Variants in PIK3CB observed in about 807,000 individuals in gnomAD.
PIK3CB encodes the protein phosphatidylinositol 4,5-bisphosphate 3-kinase catalytic subunit beta isoform.
PIK3CB carries 39 observed loss-of-function variants against 136.8 expected under a neutral mutation model. The observed-to-expected ratio is 0.29, with a 90% confidence interval of 0.22 to 0.37. The LOEUF (loss-of-function observed/expected upper bound fraction) is 0.37. Among genes scored for constraint, PIK3CB ranks in the 10% least tolerant of loss-of-function variants. The probability of loss-of-function intolerance (pLI) is 1.00; values close to 1 mark genes in which losing one functional copy is unlikely to be tolerated. For synonymous variants in PIK3CB, 428 were observed against 436.6 expected, an observed-to-expected ratio of 0.98 and a Z score of 0.25; for missense variants, 868 against 1,275.4, an observed-to-expected ratio of 0.68 and a Z score of 4.87.
intron 21 of PIK3CB, among the ~76,000 whole-genome samples, chr3:138,658,243 G>A (rs1326721029): frequency 1.3e-5 from 2 of 152,064 alleles, no homozygotes; most frequent in Non-Finnish European, 2.9e-5. Flanking sequence ...GAAACCAGGA[G>A]TTCAAGGCCA....
intron 2 of PIK3CB, among the ~76,000 whole-genome samples, chr3:138,772,833 T>C (rs1384588435): frequency 2.1e-5 from 3 of 145,698 alleles, no homozygotes; most frequent in African/African-American, 7.7e-5. Flanking sequence ...TTGCCCAGGC[T>C]AGAATGCGGT....
rs182848943 is a variant in PIK3CB, at chr3:138,745,409, G to T, written c.398-2628C>A. On this transcript the variant is annotated intron_variant, in intron 4 of 23. Transcript: ENST00000674063. ...GCACTTTGGGAGGCCAAGGTGGGGGGATCACTTGAGGTCAGGAGTTCAAGA... is the reference window on the plus strand; with the variant it reads ...GCACTTTGGGAGGCCAAGGTGGGGGTATCACTTGAGGTCAGGAGTTCAAGA... Among the ~76,000 whole-genome samples the T allele has an allele frequency of 3.2e-3, 487 of 152,264 alleles. 6 individuals are homozygous for T. The highest frequency in any genetic ancestry group is 9.9e-3 in the African/African-American group (413 of 41,548).
intron 1 of PIK3CB, among the ~76,000 whole-genome samples, chr3:138,820,006 G>A (rs1933490764): frequency 6.6e-6 from 1 of 152,190 alleles, no homozygotes; most frequent in Non-Finnish European, 1.5e-5. Flanking sequence ...GCCTTCTCAA[G>A]TGATTTTGAT....
At chr3:138,831,487 G>A (rs1022378741) in intron 1 of PIK3CB, among the ~76,000 whole-genome samples, 1 of 151,866 alleles carries the variant, frequency 6.6e-6, no homozygotes, top group African/African-American at 2.4e-5. Flanking sequence ...TTGGGAGGCT[G>A]AGGCAGAAGA....
At chr3:138,719,421 T>C (rs1484356716) in intron 8 of PIK3CB, among the ~76,000 whole-genome samples, 1 of 151,818 alleles carries the variant, frequency 6.6e-6, no homozygotes, top group Non-Finnish European at 1.5e-5. Flanking sequence ...AATTTTTGTA[T>C]TTTTAGTAAA....
chr3:138,661,721 C>A (rs1385770381), intron 21 of PIK3CB, among the ~76,000 whole-genome samples: 1 of 152,138 alleles, frequency 6.6e-6, no homozygotes, highest in Non-Finnish European at 1.5e-5. Context: ...AAAGCCCAAG[C>A]CAGAACTAAT....
At chr3:138,733,276 T>C in intron 8 of PIK3CB, 85 bp downstream of exon 8, 2 of 558,246 alleles carry the variant, frequency 3.6e-6, no homozygotes, top group South Asian at 5.5e-5. Context: ...TAAAATTCAA[T>C]CTCCAATGTG....
intron 11 of PIK3CB, among the ~76,000 whole-genome samples, 158 bp downstream of exon 11, chr3:138,707,001 C>A (rs985553628): frequency 6.6e-6 from 1 of 152,084 alleles, no homozygotes; most frequent in African/African-American, 2.4e-5. Context: ...CCAAAACTAA[C>A]AGAGTTAAGA....
intron 4 of PIK3CB, among the ~76,000 whole-genome samples, chr3:138,750,422 G>A (rs538298114): frequency 6.6e-5 from 10 of 152,160 alleles, no homozygotes; most frequent in African/African-American, 1.7e-4. Context: ...TTAGATTCTC[G>A]CTCATTAGGA....
In PIK3CB at chr3:138,654,370, A is replaced by G; in HGVS notation, c.*1019T>C. ...GTGGCGTGAAACCATTTCAATTTGA[A>G]CTAATATCCTTGAAAAAAATCACAT... On this transcript the variant is annotated 3_prime_UTR_variant, in exon 24 of 24. Transcript: ENST00000674063. The G allele has an allele frequency of 4.5e-6, 1 of 224,198 alleles. No homozygotes were observed. The highest frequency in any genetic ancestry group is 8.9e-6 in the Non-Finnish European group (1 of 112,408). 13.9% of individuals were successfully genotyped at this position (224,198 alleles called of 1,614,324 possible).
chr3:138,733,498 A>G, intron 7 of PIK3CB, 60 bp from the exon 8 acceptor site: 1 of 848,526 alleles, frequency 1.2e-6, no homozygotes, highest in South Asian at 1.5e-5. Flanking sequence ...ATTCTATGCT[A>G]GCAATGCAAT....
intron 20 of PIK3CB, among the ~76,000 whole-genome samples, chr3:138,664,689 C>T (rs1224253479): frequency 6.6e-6 from 1 of 152,152 alleles, no homozygotes; most frequent in South Asian, 2.1e-4. Flanking sequence ...GGAGAAATCA[C>T]AATCTACCAA....
chr3:138,776,362 G>A (rs1016223268), intron 2 of PIK3CB, among the ~76,000 whole-genome samples: 4 of 152,054 alleles, frequency 2.6e-5, no homozygotes, highest in Non-Finnish European at 5.9e-5. Flanking sequence ...GATTAAAAAT[G>A]TTTTGGATAA....
intron 10 of PIK3CB, among the ~76,000 whole-genome samples, chr3:138,711,070 C>G (rs2044486815): frequency 6.7e-6 from 1 of 149,790 alleles, no homozygotes; most frequent in Non-Finnish European, 1.5e-5. Context: ...GGTGACAGAG[C>G]GAGACTCCAT....
intron 1 of PIK3CB, among the ~76,000 whole-genome samples, chr3:138,807,998 A>G (rs1260413339): frequency 6.6e-6 from 1 of 151,940 alleles, no homozygotes; most frequent in East Asian, 1.9e-4. Flanking sequence ...TTAAAAACAC[A>G]ATTAAGCACT....
intron 3 of PIK3CB, among the ~76,000 whole-genome samples, chr3:138,757,187 T>A (rs1016841857): frequency 3.9e-5 from 6 of 152,058 alleles, no homozygotes; most frequent in African/African-American, 1.4e-4. Context: ...GGGCAGATCA[T>A]GAGGTCAAGA....
At chr3:138,696,984 T>C (rs1361450371) in intron 13 of PIK3CB, among the ~76,000 whole-genome samples, 1 of 152,208 alleles carries the variant, frequency 6.6e-6, no homozygotes, top group African/African-American at 2.4e-5. Context: ...AACTCTACCA[T>C]TGGAAAGTAA....
intron 3 of PIK3CB, among the ~76,000 whole-genome samples, chr3:138,757,455 A>G (rs1490463745): frequency 6.7e-6 from 1 of 148,392 alleles, no homozygotes; most frequent in Non-Finnish European, 1.5e-5. Flanking sequence ...ACCACTTCAC[A>G]TCCATTAGGA....
chr3:138,704,924 T>G (rs899608678), intron 11 of PIK3CB, among the ~76,000 whole-genome samples: 8 of 151,792 alleles, frequency 5.3e-5, no homozygotes, highest in Non-Finnish European at 1.2e-4. Flanking sequence ...CTTGTACAAT[T>G]GAAGGAGATC....
Sources: allele counts gnomAD v4.1 joint callset (sites outside exome capture counted in the v4.1 genomes callset), GRCh38; gene constraint gnomAD v4.1.1; transcripts MANE v1.5; gene names NCBI Gene and HGNC (gene_info 2026-07-23, HGNC 2026-07-21).